CHST9: variants seen among roughly 807,000 people sequenced by gnomAD.
The protein encoded by CHST9 is GalNAc-4-sulfotransferase 2.
A neutral mutation model predicts 44.4 loss-of-function variants in CHST9; 41 were observed. The observed-to-expected ratio is 0.92, with a 90% CI of 0.72 to 1.20. CHST9 has a LOEUF of 1.20. Ranked by LOEUF, CHST9 falls within the 50% of genes most tolerant of loss-of-function variation. The probability of loss-of-function intolerance (pLI) is 0.00; values close to 1 mark genes in which losing one functional copy is unlikely to be tolerated. For synonymous variants in CHST9, 171 were observed against 178.4 expected (o/e 0.96, Z 0.33); for missense variants, 504 against 516.5 (o/e 0.98, Z 0.23).
intron 1 of CHST9, among the ~76,000 whole-genome samples, chr18:27,148,308 C>A (rs2058631239): frequency 1.3e-5 from 2 of 151,306 alleles, no homozygotes; most frequent in African/African-American, 2.4e-5. Flanking sequence ...GCACAACATG[C>A]AGGTTTGTTA....
chr18:27,073,171 T>C (rs1220761051), intron 2 of CHST9, among the ~76,000 whole-genome samples: 1 of 152,144 alleles, frequency 6.6e-6, no homozygotes, highest in Non-Finnish European at 1.5e-5. Context: ...CACAATGTTC[T>C]GAGAACTCCA....
chr18:26,960,044 G>A (rs1033055280), intron 4 of CHST9, among the ~76,000 whole-genome samples: 1 of 152,152 alleles, frequency 6.6e-6, no homozygotes, highest in African/African-American at 2.4e-5. Flanking sequence ...TAAAAATAAG[G>A]AAATAGGTCC....
intron 2 of CHST9, among the ~76,000 whole-genome samples, chr18:27,065,859 T>A (rs1357670615): frequency 6.6e-6 from 1 of 152,200 alleles, no homozygotes; most frequent in Admixed American, 6.5e-5. Flanking sequence ...AAAAGTCACT[T>A]TGGCTTTATA....
At chr18:27,103,709 A>G (rs1030812254) in intron 2 of CHST9, among the ~76,000 whole-genome samples, 5 of 152,180 alleles carry the variant, frequency 3.3e-5, no homozygotes, top group African/African-American at 1.2e-4. Flanking sequence ...TTGGCGAGTT[A>G]AGCCAAGTGG....
At chr18:26,978,051 C>T (rs1254180045) in intron 4 of CHST9, among the ~76,000 whole-genome samples, 2 of 151,604 alleles carry the variant, frequency 1.3e-5, no homozygotes, top group African/African-American at 4.8e-5. Context: ...ATAAGACATG[C>T]TTTGATGATT....
intron 2 of CHST9, among the ~76,000 whole-genome samples, chr18:27,049,163 A>G (rs2057537384): frequency 6.6e-6 from 1 of 152,092 alleles, no homozygotes. Flanking sequence ...ACACAAGGCA[A>G]TGAAAGGGTG....
chr18:26,983,980 C>T (rs1447586650), intron 4 of CHST9, among the ~76,000 whole-genome samples: 1 of 152,188 alleles, frequency 6.6e-6, no homozygotes, highest in Non-Finnish European at 1.5e-5. Context: ...TCTTCACTCC[C>T]ACATTCCCAG....
chr18:27,045,923 C>G (rs778332161), intron 3 of CHST9, among the ~76,000 whole-genome samples: 32 of 152,050 alleles, frequency 2.1e-4, no homozygotes, highest in Admixed American at 2.6e-4. Flanking sequence ...CTGAGAAACT[C>G]AGTCGAAACT....
chr18:27,110,292 A>T (rs1334159548), intron 2 of CHST9, among the ~76,000 whole-genome samples: 2 of 151,774 alleles, frequency 1.3e-5, no homozygotes, highest in Non-Finnish European at 2.9e-5. Flanking sequence ...TTTGCATGTG[A>T]TGATTTTTTT....
chr18:27,031,893 C>T (rs2057344593), intron 3 of CHST9, among the ~76,000 whole-genome samples: 1 of 152,224 alleles, frequency 6.6e-6, no homozygotes, highest in Non-Finnish European at 1.5e-5. Context: ...AAGGCAACGG[C>T]ACAGGCATGA....
chr18:27,157,406 T>C (rs182066790), intron 1 of CHST9, among the ~76,000 whole-genome samples: 1 of 152,260 alleles, frequency 6.6e-6, no homozygotes, highest in East Asian at 1.9e-4. Flanking sequence ...ATTGCTAGCT[T>C]CAAGCAATCA....
In CHST9 at chr18:26,907,235, T is replaced by G. The variant is rs1430845672; in HGVS notation, c.*9024A>C. 6.5e-6 allele frequency: 1 copy of G among 152,766 alleles called. No individual in the cohort carries two copies. Among genetic ancestry groups the G allele is most frequent in the Non-Finnish European group, 1.5e-5 (1 of 68,164 alleles). 9.5% of individuals were successfully genotyped at this position (152,766 alleles called of 1,614,324 possible). ...TGAAGTTAATGGGCTTTCTGAATTC[T>G]GTGGCTGTGAGGAGTCAGCTTAGGG... is the stretch of plus-strand genomic sequence containing the variant. On this transcript the variant is annotated 3_prime_UTR_variant, in exon 6 of 6. Coordinates refer to ENST00000618847, the MANE Select transcript of CHST9 (RefSeq NM_031422.6).
intron 5 of CHST9, among the ~76,000 whole-genome samples, chr18:26,942,899 A>G (rs920692786): frequency 2.0e-5 from 3 of 152,046 alleles, no homozygotes; most frequent in Non-Finnish European, 4.4e-5. Context: ...CATGAGGTCA[A>G]GAGATCAAGA....
chr18:26,981,174 T>A (rs2056687392), intron 4 of CHST9, among the ~76,000 whole-genome samples: 1 of 152,192 alleles, frequency 6.6e-6, no homozygotes, highest in Admixed American at 6.5e-5. Flanking sequence ...GAATTTTACA[T>A]GTTAAAGGCT....
At chr18:27,051,181 G>A (rs2057562447) in intron 2 of CHST9, among the ~76,000 whole-genome samples, 1 of 152,142 alleles carries the variant, frequency 6.6e-6, no homozygotes, top group African/African-American at 2.4e-5. Context: ...GGGAGGCTGA[G>A]GCAGGAGGAT....
chr18:27,016,801 CAT>C (rs2057160421), intron 4 of CHST9, among the ~76,000 whole-genome samples: 1 of 151,912 alleles, frequency 6.6e-6, no homozygotes, highest in South Asian at 2.1e-4. Context: ...ATAGTATGCA[CAT>C]ATGATATTAA....
intron 2 of CHST9, among the ~76,000 whole-genome samples, chr18:27,088,874 C>T (rs2058039155): frequency 6.6e-6 from 1 of 152,152 alleles, no homozygotes; most frequent in Non-Finnish European, 1.5e-5. Context: ...GTTTAGAATC[C>T]TCCTACAGAA....
intron 1 of CHST9, among the ~76,000 whole-genome samples, chr18:27,162,006 G>A (rs572424266): frequency 0.018 from 2,661 of 151,822 alleles, 65 homozygotes; most frequent in African/African-American, 0.059. Flanking sequence ...GTGTGTCTCT[G>A]CACATGAGAT....
intron 2 of CHST9, among the ~76,000 whole-genome samples, chr18:27,141,742 TAAA>T (rs35595422): frequency 8.2e-6 from 1 of 122,040 alleles, no homozygotes; most frequent in African/African-American, 3.2e-5. Flanking sequence ...TAGAATAACT[TAAA>T]AAAAAAAAAA....
Sources: allele counts gnomAD v4.1 joint callset (sites outside exome capture counted in the v4.1 genomes callset), GRCh38; gene constraint gnomAD v4.1.1; transcripts MANE v1.5; gene names NCBI Gene and HGNC (gene_info 2026-07-23, HGNC 2026-07-21).